PIGX: variants seen among roughly 807,000 people sequenced by gnomAD.
PIGX encodes GPI alpha-1,4-mannosyltransferase I, stabilizing subunit.
In PIGX, 24 loss-of-function variants were observed where a neutral mutation model predicts 28.7. The ratio of observed to expected loss-of-function variants is 0.84; its 90% confidence interval spans 0.60 to 1.17. PIGX has a LOEUF of 1.17. Among genes scored for constraint, PIGX ranks in the 50% most tolerant of loss-of-function variants. The probability of loss-of-function intolerance (pLI) is 0.00; values close to 1 mark genes in which losing one functional copy is unlikely to be tolerated. For missense variants in PIGX, 305 were observed against 317.8 expected (o/e 0.96, Z 0.31); for synonymous variants, 127 against 121.0 (o/e 1.05, Z -0.33).
At position 196,733,613 on chromosome 3, in the gene PIGX, AT is replaced by A. The variant is rs1712898940; in HGVS notation, c.634-145del. ...TTTTAGTAGAGATGGTTTAGTAGAGATGTTGGCCAGGCTGGTTTTGAACTCC... is the reference window on the plus strand; with the variant it reads ...TTTTAGTAGAGATGGTTTAGTAGAGAGTTGGCCAGGCTGGTTTTGAACTCC... On this transcript the variant is annotated intron_variant, in intron 5 of 5. Coordinates refer to ENST00000392391, the MANE Select transcript of PIGX (RefSeq NM_017861.4). This position sits in a 1 kb window ranked among gnomAD's most constrained non-coding sequence, Gnocchi z 4.3. 1 of 609,918 alleles carries A rather than the reference AT, an allele frequency of 1.6e-6. No individual in the cohort carries two copies. The highest frequency in any genetic ancestry group is 1.8e-5 in the African/African-American group (1 of 54,210). 37.8% of individuals were successfully genotyped at this position (609,918 alleles called of 1,614,324 possible).
At position 196,733,815 on chromosome 3, in the gene PIGX, A is replaced by G. The variant is rs770463305; in HGVS notation, c.690A>G (p.Leu230=). 4.5e-6 allele frequency: 7 copies of G among 1,555,250 alleles called. No individual in the cohort carries two copies. The highest frequency in any genetic ancestry group is 1.4e-5 in the African/African-American group (1 of 73,770). Residue 230 remains leucine, a synonymous_variant, in exon 6 of 6, where the codon CTA becomes CTG. Transcript: ENST00000392391. The surrounding 1 kb of genome is among the most constrained non-coding windows in gnomAD (Gnocchi z 4.3). ...TGGGACTGACTGTACATACCTCTCT[A>G]GTATGTTCTGTGACTCTGCTCATTA...
rs1711866569 is a variant in PIGX, at chr3:196,712,608, C to T, written c.76C>T (p.Pro26Ser). ...GGCGGCGACCGGGCTCACGCGCGGG[C>T]CCGCCGCGGCCTTCACCGCCGCGCG... Residue 26 changes from proline (P) to serine (S), a missense_variant, in exon 1 of 6, where the codon CCC (proline) becomes TCC (serine). Coordinates refer to ENST00000392391, the MANE Select transcript of PIGX (RefSeq NM_017861.4). 11 of 1,190,732 alleles carry T rather than the reference C, an allele frequency of 9.2e-6. No homozygotes were observed. The highest frequency in any genetic ancestry group is 1.6e-5 in the African/African-American group (1 of 62,696). 73.8% of individuals were successfully genotyped at this position (1,190,732 alleles called of 1,614,324 possible). A position where few individuals can be genotyped will look rare whatever the true frequency, so the allele number is the denominator to read the frequency against.
At position 196,732,255 on chromosome 3, in the gene PIGX, TA is replaced by T. The variant is rs59704080; in HGVS notation, c.633+1164del. Among the ~76,000 whole-genome samples, 52 of 31,596 alleles carry T rather than the reference TA, an allele frequency of 1.6e-3. 1 individual carries two copies. The highest frequency in any genetic ancestry group is 4.2e-3 in the African/African-American group (27 of 6,434). 20.7% of individuals were successfully genotyped at this position (31,596 alleles called of 152,430 possible). Reference sequence around the variant, plus strand: ...ATATATATATATATATATATATATATATTTTATTTTATTTTATTTTTTTTTT... The same window carrying T: ...ATATATATATATATATATATATATATTTTTATTTTATTTTATTTTTTTTTT... On this transcript the variant is annotated intron_variant, in intron 5 of 5. Coordinates refer to ENST00000392391, the MANE Select transcript of PIGX (RefSeq NM_017861.4).
At chr3:196,719,337 T>C (rs965844309) in intron 2 of PIGX, among the ~76,000 whole-genome samples, 1 of 152,162 alleles carries the variant, frequency 6.6e-6, no homozygotes, top group African/African-American at 2.4e-5. Context: ...TTTTTATTTT[T>C]TTATTATTAT....
At chr3:196,723,428 G>C (rs1354355988) in intron 3 of PIGX, among the ~76,000 whole-genome samples, 1 of 152,172 alleles carries the variant, frequency 6.6e-6, no homozygotes, top group Non-Finnish European at 1.5e-5. Context: ...ATGGATCCAA[G>C]ATTGTCTAGT....
rs776901235 is a variant in PIGX, at chr3:196,726,633, C to G, written c.319-1290C>G. 32 of 455,544 alleles carry G rather than the reference C, an allele frequency of 7.0e-5. No homozygotes were observed. In the Middle Eastern group the frequency reaches 9.7e-4, roughly 14 times the overall value. 28.2% of individuals were successfully genotyped at this position (455,544 alleles called of 1,614,324 possible). ...ACCATGTCATGAGAACCCAGGAGAA[C>G]TGTGAACATTTCCCTTGTCAGGAGA... On this transcript the variant is annotated intron_variant, in intron 3 of 5. Coordinates refer to ENST00000392391, the MANE Select transcript of PIGX (RefSeq NM_017861.4).
At position 196,727,950 on chromosome 3, in the gene PIGX, A is replaced by G. The variant is rs374461117; in HGVS notation, c.346A>G (p.Ile116Val). ...AGTGATGGTTTCAGAAAATTTTGAT[A>G]TAGAGGCCCCTAACTATTTGTCCAA... The change falls in exon 4 of 6, where the codon ATA becomes GTA. Residue 116 changes from isoleucine (I) to valine (V), a missense_variant. Ile to Val is a conservative substitution (Grantham distance 29). Coordinates refer to ENST00000392391, the MANE Select transcript of PIGX (RefSeq NM_017861.4). The G allele has an allele frequency of 2.5e-6, 4 of 1,611,502 alleles. No homozygotes were observed. The African/African-American group carries it at 4.0e-5, about 16-fold the overall frequency.
chr3:196,733,841 C>G lies in PIGX; in HGVS notation c.716C>G (p.Thr239Arg). ...GTATGTTCTGTGACTCTGCTCATTA[C>G]AATCCTGTGCTCTACATTGATCCTT... Residue 239 changes from threonine (T) to arginine (R), a missense_variant, in exon 6 of 6, where the codon ACA (threonine) becomes AGA (arginine). By Grantham distance (71) the Thr-to-Arg change is moderately conservative. Transcript: ENST00000392391. This position sits in a 1 kb window ranked among gnomAD's most constrained non-coding sequence, Gnocchi z 4.3. 1 of 1,599,922 alleles carries G rather than the reference C, an allele frequency of 6.3e-7. No homozygotes were observed. Among genetic ancestry groups the G allele is most frequent in the Non-Finnish European group, 8.6e-7 (1 of 1,166,986 alleles).
intron 3 of PIGX, among the ~76,000 whole-genome samples, chr3:196,724,201 G>GA (rs1712435746): frequency 6.6e-6 from 1 of 151,844 alleles, no homozygotes; most frequent in African/African-American, 2.4e-5. Context: ...TTTTAGTAGA[G>GA]GTGGGGTTTC....
chr3:196,725,828 G>A (rs1712497900), intron 3 of PIGX, among the ~76,000 whole-genome samples: 1 of 152,108 alleles, frequency 6.6e-6, no homozygotes, highest in Admixed American at 6.6e-5. Flanking sequence ...CAGTAGCAGG[G>A]AATACTTAGC....
chr3:196,727,705 T>C (rs1712585022), intron 3 of PIGX, among the ~76,000 whole-genome samples: 1 of 152,178 alleles, frequency 6.6e-6, no homozygotes, highest in Non-Finnish European at 1.5e-5. Context: ...TAGAATATAA[T>C]TTCCCCAGTT....
At chr3:196,718,182 C>T (rs1374789959) in intron 2 of PIGX, among the ~76,000 whole-genome samples, 1 of 151,822 alleles carries the variant, frequency 6.6e-6, no homozygotes, top group South Asian at 2.1e-4. Context: ...TGGTGGTGGG[C>T]GCCTGTAATC....
At chr3:196,719,242 C>CT (rs1306574256) in intron 2 of PIGX, among the ~76,000 whole-genome samples, 1 of 151,980 alleles carries the variant, frequency 6.6e-6, no homozygotes, top group Non-Finnish European at 1.5e-5. Context: ...TGTCTAGCTA[C>CT]TTTTTTATCT....
At chr3:196,730,586 A>G (rs1171221948) in intron 4 of PIGX, among the ~76,000 whole-genome samples, 2 of 151,814 alleles carry the variant, frequency 1.3e-5, no homozygotes, top group African/African-American at 4.8e-5. Flanking sequence ...GATCTCTACT[A>G]AAAATACAAA....
rs1711852449 is a variant in PIGX, at chr3:196,712,420, T to C, written c.-113T>C. The stretch of plus-strand genomic sequence containing the variant: ...CTAGGCGCGCGCACCCAGCACTCGG[T>C]CCCAGCCGATAAATCTGGGGCAGCG... On this transcript the variant is annotated 5_prime_UTR_variant, in exon 1 of 6. Coordinates refer to ENST00000392391, the MANE Select transcript of PIGX (RefSeq NM_017861.4). 3 of 417,466 alleles carry C rather than the reference T, an allele frequency of 7.2e-6. No homozygotes were observed. The highest frequency in any genetic ancestry group is 1.1e-5 in the Non-Finnish European group (3 of 283,698). 25.9% of individuals were successfully genotyped at this position (417,466 alleles called of 1,614,324 possible).
At chr3:196,714,545 T>G (rs759196225) in intron 1 of PIGX, among the ~76,000 whole-genome samples, 10 of 150,644 alleles carry the variant, frequency 6.6e-5, no homozygotes, top group Non-Finnish European at 8.9e-5. Context: ...TATTGCAACC[T>G]TCACCTCCCA....
intron 3 of PIGX, among the ~76,000 whole-genome samples, chr3:196,723,104 G>A (rs1391874436): frequency 6.6e-6 from 1 of 152,196 alleles, no homozygotes; most frequent in East Asian, 1.9e-4. Context: ...CACTTTGGGA[G>A]GCCAAGGCAG....
At chr3:196,715,974 T>C (rs1577668871) in intron 1 of PIGX, among the ~76,000 whole-genome samples, 1 of 152,192 alleles carries the variant, frequency 6.6e-6, no homozygotes, top group African/African-American at 2.4e-5. Flanking sequence ...CAATAGTAAC[T>C]GAATTTTCAG....
chr3:196,730,357 A>C (rs1348806397), intron 4 of PIGX, among the ~76,000 whole-genome samples: 1 of 152,130 alleles, frequency 6.6e-6, no homozygotes, highest in Non-Finnish European at 1.5e-5. Context: ...CGAGTTTTGC[A>C]CTTACGATAT....
Sources: gnomAD v4.1 joint callset for allele counts (sites outside exome capture counted in the v4.1 genomes callset) on GRCh38, gnomAD v4.1.1 for gene constraint, Gnocchi (gnomAD v3.1) non-coding constraint, MANE v1.5 for transcripts, NCBI Gene and HGNC (gene_info 2026-07-23, HGNC 2026-07-21) for gene names.